Variants in CDH12 observed in about 807,000 individuals in gnomAD.
The protein encoded by CDH12 is cadherin 12, also known as cadherin-12.
In CDH12, 41 loss-of-function variants were observed where a neutral mutation model predicts 74.1. That is an observed-to-expected ratio of 0.55 (90% confidence interval 0.43 to 0.72). The LOEUF is 0.72. Among genes scored for constraint, CDH12 ranks in the 30% least tolerant of loss-of-function variants. The probability of loss-of-function intolerance (pLI) is 0.00; values close to 1 mark genes in which losing one functional copy is unlikely to be tolerated. For missense variants in CDH12, 945 were observed against 977.2 expected, an observed-to-expected ratio of 0.97 and a Z score of 0.44; for synonymous variants, 399 against 355.0, an observed-to-expected ratio of 1.12 and a Z score of -1.39.
chr5:22,014,315 C>T (rs1288847831), intron 5 of CDH12, among the ~76,000 whole-genome samples: 2 of 152,130 alleles, frequency 1.3e-5, no homozygotes, highest in Non-Finnish European at 2.9e-5. Context: ...TATCCCATAA[C>T]ACTGCACTGT....
intron 1 of CDH12, among the ~76,000 whole-genome samples, chr5:22,730,359 T>G (rs9293036): frequency 0.52 from 78,170 of 151,544 alleles, 20,150 homozygotes; most frequent in East Asian, 0.57. Context: ...AGATCAGTTT[T>G]TCATGAGCTA....
At chr5:22,162,363 C>T (rs1271768447) in intron 4 of CDH12, among the ~76,000 whole-genome samples, 1 of 152,154 alleles carries the variant, frequency 6.6e-6, no homozygotes, top group Non-Finnish European at 1.5e-5. Flanking sequence ...TTATACCCTC[C>T]CACACACCCT....
intron 1 of CDH12, among the ~76,000 whole-genome samples, chr5:22,546,427 T>C (rs1239133701): frequency 6.6e-6 from 1 of 152,184 alleles, no homozygotes; most frequent in Non-Finnish European, 1.5e-5. Context: ...GTTCAGACCA[T>C]TTCATTTCAT....
intron 5 of CDH12, among the ~76,000 whole-genome samples, chr5:22,062,006 G>T (rs969519844): frequency 2.8e-4 from 42 of 152,066 alleles, no homozygotes. Flanking sequence ...AGGAAGGATT[G>T]AAAGATAAGT....
chr5:22,147,173 A>G (rs1329136291), intron 4 of CDH12, among the ~76,000 whole-genome samples: 1 of 152,184 alleles, frequency 6.6e-6, no homozygotes, highest in Non-Finnish European at 1.5e-5. Context: ...CATCAAAGAC[A>G]TTTTAGCAAA....
chr5:22,738,059 A>G (rs1744831191), intron 1 of CDH12, among the ~76,000 whole-genome samples: 1 of 151,958 alleles, frequency 6.6e-6, no homozygotes, highest in South Asian at 2.1e-4. Flanking sequence ...ACATTGGGTG[A>G]GGCCAAGTGA....
At chr5:22,524,064 C>G (rs941440424) in intron 1 of CDH12, among the ~76,000 whole-genome samples, 52 of 151,702 alleles carry the variant, frequency 3.4e-4, no homozygotes, top group African/African-American at 9.2e-4. Context: ...TCACTGCAGC[C>G]TTGACCTCCC....
chr5:22,535,444 A>C lies in CDH12; in HGVS notation c.-522-30080T>G, dbSNP rs191724998. 6.1e-3 allele frequency among the ~76,000 whole-genome samples: 934 copies of C among 152,108 alleles called. 3 individuals are homozygous for C. The highest frequency in any genetic ancestry group is 8.8e-3 in the Non-Finnish European group (597 of 67,978). On this transcript the variant is annotated intron_variant, in intron 1 of 14. Transcript: ENST00000382254. Reference sequence around the variant, plus strand: ...GTGCTGGGATTACAGGCGTGAGCCAACGCACCCGGCCTCTATTGCATTTTT... The same window carrying C: ...GTGCTGGGATTACAGGCGTGAGCCACCGCACCCGGCCTCTATTGCATTTTT...
intron 5 of CDH12, among the ~76,000 whole-genome samples, chr5:22,006,638 A>G (rs1736981265): frequency 6.6e-6 from 1 of 152,202 alleles, no homozygotes; most frequent in African/African-American, 2.4e-5. Context: ...ACAAACTAAT[A>G]GGTGAGAGAT....
intron 1 of CDH12, among the ~76,000 whole-genome samples, chr5:22,842,845 C>G (rs1258294256): frequency 2.0e-5 from 3 of 151,958 alleles, no homozygotes; most frequent in African/African-American, 7.2e-5. Flanking sequence ...CTCCCTAATG[C>G]AGTTTTCTAA....
At chr5:22,389,697 G>C (rs1364150232) in intron 3 of CDH12, among the ~76,000 whole-genome samples, 1 of 149,022 alleles carries the variant, frequency 6.7e-6, no homozygotes, top group African/African-American at 2.5e-5. Flanking sequence ...CGCCAGGCTG[G>C]AGTGCAGTGG....
intron 6 of CDH12, among the ~76,000 whole-genome samples, chr5:21,898,646 G>A (rs1753240210): frequency 6.6e-6 from 1 of 152,084 alleles, no homozygotes; most frequent in South Asian, 2.1e-4. Context: ...AGGTTGAAAT[G>A]AGCTGAGATC....
chr5:22,257,439 T>C (rs1049702209), intron 3 of CDH12, among the ~76,000 whole-genome samples: 4 of 151,898 alleles, frequency 2.6e-5, no homozygotes, highest in African/African-American at 9.7e-5. Context: ...TGTTTGTTTT[T>C]TTAACCCATT....
chr5:22,034,425 AT>A (rs547701846), intron 5 of CDH12, among the ~76,000 whole-genome samples: 2 of 152,108 alleles, frequency 1.3e-5, no homozygotes, highest in African/African-American at 4.8e-5. Context: ...ACTCTGGCTT[AT>A]TTTTTTCTAT....
At position 22,030,823 on chromosome 5, in the gene CDH12, G is replaced by A. The variant is rs150781879; in HGVS notation, c.231+47623C>T. On this transcript the variant is annotated intron_variant, in intron 5 of 14. Coordinates refer to ENST00000382254, the MANE Select transcript of CDH12 (RefSeq NM_004061.5). ...GTTTAATGTAGCTACATTTATCAACGATATTAGCAAGATCTTTTGGATAAC... is the reference window on the plus strand; with the variant it reads ...GTTTAATGTAGCTACATTTATCAACAATATTAGCAAGATCTTTTGGATAAC... Among the ~76,000 whole-genome samples, 280 of 152,246 alleles carry A rather than the reference G, an allele frequency of 1.8e-3. 1 individual carries two copies. Among genetic ancestry groups the A allele is most frequent in the African/African-American group, 6.4e-3 (264 of 41,540 alleles).
At chr5:22,300,750 A>G (rs1381510131) in intron 3 of CDH12, among the ~76,000 whole-genome samples, 1 of 152,230 alleles carries the variant, frequency 6.6e-6, no homozygotes, top group East Asian at 1.9e-4. Context: ...TACAGAATCC[A>G]TAACGGTCAC....
intron 6 of CDH12, chr5:21,883,702 T>G (rs763294360): frequency 9.3e-6 from 15 of 1,610,566 alleles, no homozygotes; most frequent in African/African-American, 1.3e-5. Flanking sequence ...GAAAAACGTA[T>G]TCAAGAAATC....
At chr5:22,625,477 G>A (rs977955938) in intron 1 of CDH12, among the ~76,000 whole-genome samples, 22 of 152,306 alleles carry the variant, frequency 1.4e-4, no homozygotes, top group African/African-American at 4.8e-4. Flanking sequence ...GAAGGTGGCA[G>A]GGGAAGGATG....
At chr5:22,006,134 C>T (rs1020752809) in intron 5 of CDH12, among the ~76,000 whole-genome samples, 1 of 151,974 alleles carries the variant, frequency 6.6e-6, no homozygotes, top group African/African-American at 2.4e-5. Context: ...ACTTCCTTGC[C>T]CCACTTATTG....
Sources: gnomAD v4.1 joint callset for allele counts (sites outside exome capture counted in the v4.1 genomes callset) on GRCh38, gnomAD v4.1.1 for gene constraint, MANE v1.5 for transcripts, NCBI Gene and HGNC (gene_info 2026-07-23, HGNC 2026-07-21) for gene names.